NFIX: variants seen among roughly 807,000 people sequenced by gnomAD.
NFIX encodes the protein nuclear factor 1 X-type.
A neutral mutation model predicts 53.3 loss-of-function variants in NFIX; 2 were observed. The observed-to-expected ratio is 0.04, with a 90% CI of 0.02 to 0.12. The LOEUF is 0.12. Ranked by LOEUF, NFIX falls within the 10% of genes least tolerant of loss-of-function variation. NFIX has a pLI of 1.00. For synonymous variants in NFIX, 244 were observed against 289.0 expected (o/e 0.84, Z 1.58); for missense variants, 310 against 674.5 (o/e 0.46, Z 5.99).
In NFIX at chr19:13,049,591, G is replaced by T. The variant is rs890462984; in HGVS notation, c.560-23456G>T. Among the ~76,000 whole-genome samples, 30 of 84,866 alleles carry T rather than the reference G, an allele frequency of 3.5e-4. No homozygotes were observed. Among genetic ancestry groups the T allele is most frequent in the Non-Finnish European group, 5.7e-4 (27 of 47,670 alleles). 55.7% of individuals were successfully genotyped at this position (84,866 alleles called of 152,430 possible). A position where few individuals can be genotyped will look rare whatever the true frequency, so the allele number is the denominator to read the frequency against. The stretch of plus-strand genomic sequence containing the variant: ...TATGTTGTAGCAGCAAGTGTCAGTG[G>T]TTCCTTTTTTTTTTTTTTTTGAGAC... On this transcript the variant is annotated intron_variant, in intron 2 of 10. Coordinates refer to ENST00000592199, the MANE Select transcript of NFIX (RefSeq NM_001365902.3). The surrounding 1 kb of genome is among the most constrained non-coding windows in gnomAD (Gnocchi z 4.5).
rs1433755364 is a variant in NFIX, at chr19:13,025,440, G to T, written c.447G>T (p.Arg149=). ...CCCTGGAAAGTACTGATGGGGAGCG[G>T]CTCTACAAGTCGCCTCAGTGCTCGA... is the stretch of plus-strand genomic sequence containing the variant. ...GIPLESTDGE[R]LYKSPQCSNP... Residue 149 remains arginine (R), a synonymous_variant, in exon 2 of 11, where the codon CGG becomes CGT. Transcript: ENST00000592199. The surrounding 1 kb of genome is among the most constrained non-coding windows in gnomAD (Gnocchi z 7.5). 2 of 1,613,942 alleles carry T rather than the reference G, an allele frequency of 1.2e-6. No homozygotes were observed. The highest frequency in any genetic ancestry group is 2.7e-5 in the African/African-American group (2 of 74,948).
intron 10 of NFIX, among the ~76,000 whole-genome samples, chr19:13,092,200 G>C (rs2018187025): frequency 6.6e-6 from 1 of 152,244 alleles, no homozygotes; most frequent in African/African-American, 2.4e-5. Flanking sequence ...GATGGAGAGA[G>C]AACAATAGAA....
At chr19:13,035,329 CT>C (rs1290813640) in intron 2 of NFIX, among the ~76,000 whole-genome samples, 1 of 152,232 alleles carries the variant, frequency 6.6e-6, no homozygotes, top group Non-Finnish European at 1.5e-5. Flanking sequence ...TCACCTCCCC[CT>C]GGTTGGAACT....
At chr19:12,995,924 C>G in intron 1 of NFIX, 60 bp downstream of exon 1, 1 of 802,666 alleles carries the variant, frequency 1.2e-6, no homozygotes, top group Non-Finnish European at 1.5e-6. Flanking sequence ...GGCCGGCCGG[C>G]GGCGCGGGCG....
At chr19:13,091,898 A>G (rs2018163857) in intron 10 of NFIX, among the ~76,000 whole-genome samples, 1 of 152,134 alleles carries the variant, frequency 6.6e-6, no homozygotes, top group South Asian at 2.1e-4. Flanking sequence ...TTCTTTGCTC[A>G]CTTTGCTTGG....
At chr19:13,087,962 G>C (rs981808886) in intron 8 of NFIX, 27 bp from the exon 9 acceptor site, 8 of 1,535,836 alleles carry the variant, frequency 5.2e-6, no homozygotes, top group Non-Finnish European at 7.0e-6. Flanking sequence ...GTGCCTTCAT[G>C]CGTCACTCTA....
At chr19:13,059,845 G>A (rs1422895280) in intron 2 of NFIX, among the ~76,000 whole-genome samples, 1 of 137,958 alleles carries the variant, frequency 7.2e-6, no homozygotes, top group African/African-American at 2.7e-5. Context: ...GTGCAGTGGT[G>A]CGATCTCGGC....
chr19:13,016,016 T>C (rs1261899850), intron 1 of NFIX, among the ~76,000 whole-genome samples: 5 of 152,236 alleles, frequency 3.3e-5, no homozygotes, highest in Non-Finnish European at 7.3e-5. Context: ...ATTTAAGGCT[T>C]GTTCAGCGGT....
At position 13,089,812 on chromosome 19, in the gene NFIX, G is replaced by A. The variant is rs1410781369; in HGVS notation, c.1403-487G>A. ...GGCCTTCCCGAAGCAGGGTGGGGCC[G>A]GACTGCCAAAGCCTCCACCCTCCCC... On this transcript the variant is annotated intron_variant, in intron 9 of 10. Transcript: ENST00000592199. The surrounding 1 kb of genome is among the most constrained non-coding windows in gnomAD (Gnocchi z 4.8). Among the ~76,000 whole-genome samples the A allele has an allele frequency of 1.3e-5, 2 of 152,128 alleles. No individual in the cohort carries two copies. The highest frequency in any genetic ancestry group is 6.5e-5 in the Admixed American group (1 of 15,284).
At chr19:13,010,563 C>G (rs1426179968) in intron 1 of NFIX, among the ~76,000 whole-genome samples, 1 of 152,276 alleles carries the variant, frequency 6.6e-6, no homozygotes, top group Non-Finnish European at 1.5e-5. Context: ...ATAACATGCC[C>G]CTATCGGGCA....
chr19:13,096,873 G>A lies in NFIX; in HGVS notation c.*2224G>A, dbSNP rs1475013013. On this transcript the variant is annotated 3_prime_UTR_variant, in exon 11 of 11. Transcript: ENST00000592199. ...GCGGGGCTGCCCGGGCGGGCAGGGG[G>A]TGGGGGCTGCTCCTTTCCCAAGTGG... is the stretch of plus-strand genomic sequence containing the variant. The A allele has an allele frequency of 1.3e-5, 2 of 151,478 alleles. No homozygotes were observed. The highest frequency in any genetic ancestry group is 1.9e-4 in the East Asian group (1 of 5,152). The allele number at this position is 151,478 out of a possible 1,614,324, so 9.4% of individuals were successfully genotyped here.
intron 8 of NFIX, among the ~76,000 whole-genome samples, chr19:13,085,879 G>C (rs779533865): frequency 2.0e-4 from 31 of 152,244 alleles, no homozygotes; most frequent in Non-Finnish European, 3.1e-4. Context: ...CACGTGCTTA[G>C]TGGTACTTGA....
chr19:13,080,134 CAG>C (rs1283032732), intron 7 of NFIX, among the ~76,000 whole-genome samples: 1 of 152,182 alleles, frequency 6.6e-6, no homozygotes, highest in East Asian at 1.9e-4. Flanking sequence ...ACCTTAGGTG[CAG>C]AGTGTCAGCA....
intron 1 of NFIX, among the ~76,000 whole-genome samples, chr19:13,010,528 G>A (rs1222674778): frequency 6.6e-6 from 1 of 152,242 alleles, no homozygotes; most frequent in Non-Finnish European, 1.5e-5. Context: ...ACATCCCAAC[G>A]ACACTGGCTG....
intron 2 of NFIX, among the ~76,000 whole-genome samples, chr19:13,059,383 C>T (rs1412066777): frequency 6.6e-6 from 1 of 152,220 alleles, no homozygotes; most frequent in African/African-American, 2.4e-5. Flanking sequence ...AGGCTGGGGA[C>T]ACCCAGTGTA....
At chr19:13,007,001 A>T (rs2145144318) in intron 1 of NFIX, among the ~76,000 whole-genome samples, 1 of 152,022 alleles carries the variant, frequency 6.6e-6, no homozygotes, top group East Asian at 1.9e-4. Context: ...CCACCTGGGG[A>T]TCATCCCCCA....
rs1362244492 is a variant in NFIX, at chr19:13,093,978, A to G, written c.1495-657A>G. On this transcript the variant is annotated intron_variant, in intron 10 of 10. Coordinates refer to ENST00000592199, the MANE Select transcript of NFIX (RefSeq NM_001365902.3). This position sits in a 1 kb window ranked among gnomAD's most constrained non-coding sequence, Gnocchi z 4.7. Reference sequence around the variant, plus strand: ...GGCAGCGCCCCCTGCTGGCGATATGAAGGAAATGACGCTCACCCCAGGGAG... The same window carrying G: ...GGCAGCGCCCCCTGCTGGCGATATGGAGGAAATGACGCTCACCCCAGGGAG... 2.0e-5 allele frequency among the ~76,000 whole-genome samples: 3 copies of G among 152,024 alleles called. No individual in the cohort carries two copies. Among genetic ancestry groups the G allele is most frequent in the Non-Finnish European group, 4.4e-5 (3 of 67,984 alleles).
chr19:13,032,066 T>A (rs1473941539), intron 2 of NFIX, among the ~76,000 whole-genome samples: 1 of 152,140 alleles, frequency 6.6e-6, no homozygotes, highest in Non-Finnish European at 1.5e-5. Flanking sequence ...GCCCCAGCCG[T>A]GTCAGCGCGG....
chr19:13,057,519 C>G (rs927911363), intron 2 of NFIX, among the ~76,000 whole-genome samples: 4 of 152,248 alleles, frequency 2.6e-5, no homozygotes, highest in Non-Finnish European at 5.9e-5. Context: ...TGCCACACCC[C>G]CAGCCTCGGC....
Sources: gnomAD v4.1 joint callset for allele counts (sites outside exome capture counted in the v4.1 genomes callset) on GRCh38, gnomAD v4.1.1 for gene constraint, Gnocchi (gnomAD v3.1) non-coding constraint, MANE v1.5 for transcripts, NCBI Gene and HGNC (gene_info 2026-07-23, HGNC 2026-07-21) for gene names.